Variants in RPS3 observed in about 807,000 individuals in gnomAD.
The protein encoded by RPS3 is small ribosomal subunit protein uS3.
RPS3 carries 2 observed loss-of-function variants against 25.8 expected under a neutral mutation model. The observed-to-expected ratio is 0.08, with a 90% CI of 0.03 to 0.24. The LOEUF is 0.24. RPS3 is among the 10% of genes least tolerant of loss of function. The pLI is 1.00. For synonymous variants in RPS3, 114 were observed against 114.2 expected, an observed-to-expected ratio of 1.00 and a Z score of 0.01; for missense variants, 107 against 307.1, an observed-to-expected ratio of 0.35 and a Z score of 4.87.
downstream of RPS3, among the ~76,000 whole-genome samples, chr11:75,410,076 CCCCT>C (rs1367169731): frequency 1.8e-4 from 25 of 142,446 alleles, no homozygotes; most frequent in African/African-American, 5.8e-4. Flanking sequence ...GGCTGACCCC[CCCCT>C]CCCCCCTCCC....
At chr11:75,416,344 T>C (rs1248056342) in intron 6 of RPS3, among the ~76,000 whole-genome samples, 1 of 152,220 alleles carries the variant, frequency 6.6e-6, no homozygotes, top group Non-Finnish European at 1.5e-5. Flanking sequence ...GTGCCATGCT[T>C]TCTGTTTCTG....
intron 4 of RPS3, chr11:75,403,605 A>G (rs1317519510): frequency 1.9e-5 from 3 of 155,580 alleles, no homozygotes; most frequent in Admixed American, 6.4e-5. Context: ...GAGTATTTCA[A>G]GGGACCACAA....
At chr11:75,411,597 A>T (rs368881422), downstream of RPS3, among the ~76,000 whole-genome samples, 24 of 151,282 alleles carry the variant, frequency 1.6e-4, no homozygotes, top group East Asian at 3.6e-3. Context: ...TCACCATGTT[A>T]GCTAGGATGG....
chr11:75,409,574 C>G (rs1189770910), downstream of RPS3, among the ~76,000 whole-genome samples: 1 of 137,204 alleles, frequency 7.3e-6, no homozygotes, highest in African/African-American at 2.7e-5. Flanking sequence ...AAAAGTCTCC[C>G]ATGTCTACTT....
chr11:75,400,869 C>T, intron 2 of RPS3, 45 bp downstream of exon 2: 6 of 1,583,690 alleles, frequency 3.8e-6, no homozygotes, highest in Non-Finnish European at 5.1e-6. Context: ...GTTATAAATG[C>T]TAAGTTGGTT....
chr11:75,402,298 T>C, intron 3 of RPS3, 54 bp from the exon 4 acceptor site: 4 of 1,596,434 alleles, frequency 2.5e-6, no homozygotes, highest in Non-Finnish European at 3.4e-6. Context: ...AATTTTCAAC[T>C]TTCAGTTGAA....
At position 75,404,612 on chromosome 11, in the gene RPS3, C is replaced by T. The variant is rs1350311232; in HGVS notation, c.539-60C>T. 2 of 1,532,332 alleles carry T rather than the reference C, an allele frequency of 1.3e-6. No individual in the cohort carries two copies. The highest frequency in any genetic ancestry group is 4.5e-5 in the East Asian group (2 of 44,130). The allele number at this position is 1,532,332 out of a possible 1,614,324, so 94.9% of individuals were successfully genotyped here. ...GAGTAAACTGCTTGCTCTCTTTGGT[C>T]TTGTGTGATGGGGGCCTTTGAGACC... On this transcript the variant is annotated intron_variant, in intron 5 of 6. Transcript: ENST00000531188. This position sits in a 1 kb window ranked among gnomAD's most constrained non-coding sequence, Gnocchi z 4.6.
intron 6 of RPS3, among the ~76,000 whole-genome samples, chr11:75,419,697 A>T (rs1392887832): frequency 2.0e-5 from 3 of 152,110 alleles, no homozygotes; most frequent in Non-Finnish European, 2.9e-5. Flanking sequence ...ATAGTGACAC[A>T]ACCTAGGCTC....
chr11:75,405,829 AAAT>A lies in RPS3; in HGVS notation c.*224_*226del, dbSNP rs1340857768. ...AAGACCCAAGCAGAGCCAACCAGAG[AAAT>A]AATATTTGTGTGATAGAGAAGGCTG... On this transcript the variant is annotated 3_prime_UTR_variant, in exon 7 of 7. Coordinates refer to ENST00000531188, the MANE Select transcript of RPS3 (RefSeq NM_001005.5). 16 of 275,288 alleles carry A rather than the reference AAAT, an allele frequency of 5.8e-5. No homozygotes were observed. Among genetic ancestry groups the A allele is most frequent in the African/African-American group, 3.4e-4 (15 of 44,748 alleles). The allele number at this position is 275,288 out of a possible 1,614,324, so 17.1% of individuals were successfully genotyped here.
At chr11:75,399,941 T>C (rs2015062886) in intron 1 of RPS3, 1 of 353,226 alleles carries the variant, frequency 2.8e-6, no homozygotes. Context: ...CAGTGTATTC[T>C]TGCCTTAACT....
chr11:75,401,516 T>C, intron 2 of RPS3, 124 bp from the exon 3 acceptor site: 1 of 698,144 alleles, frequency 1.4e-6, no homozygotes, highest in Non-Finnish European at 2.5e-6. Flanking sequence ...TTTTAAAAAT[T>C]TTAGTTTTTG....
In RPS3 at chr11:75,405,795, C is replaced by A; in HGVS notation, c.*185C>A. On this transcript the variant is annotated 3_prime_UTR_variant, in exon 7 of 7. Transcript: ENST00000531188. ...CCATACTTGTGGTATTTGCAAGGGC[C>A]AGAACAGTAAGACCCAAGCAGAGCC... 2.9e-6 allele frequency: 1 copy of A among 343,370 alleles called. No homozygotes were observed. The highest frequency in any genetic ancestry group is 2.3e-5 in the South Asian group (1 of 42,582). The allele number at this position is 343,370 out of a possible 1,614,324, so 21.3% of individuals were successfully genotyped here. A position where few individuals can be genotyped will look rare whatever the true frequency, so the allele number is the denominator to read the frequency against.
At chr11:75,402,050 T>C in intron 3 of RPS3, 1 of 545,196 alleles carries the variant, frequency 1.8e-6, no homozygotes, top group Non-Finnish European at 3.3e-6. Context: ...GTAGAAGTGC[T>C]TTAGGAATTG....
chr11:75,405,728 G>A lies in RPS3; in HGVS notation c.*118G>A. 1 of 445,522 alleles carries A rather than the reference G, an allele frequency of 2.2e-6. No homozygotes were observed. Among genetic ancestry groups the A allele is most frequent in the Non-Finnish European group, 4.5e-6 (1 of 222,748 alleles). 27.6% of individuals were successfully genotyped at this position (445,522 alleles called of 1,614,324 possible). ...GACTGTTCAGTATTCAGACTGAGGG[G>A]CATGTTGGCCTCTGGAGCATTACAT... On this transcript the variant is annotated 3_prime_UTR_variant, in exon 7 of 7. Coordinates refer to ENST00000531188, the MANE Select transcript of RPS3 (RefSeq NM_001005.5).
chr11:75,412,608 A>G (rs1948367282), intron 6 of RPS3, among the ~76,000 whole-genome samples: 1 of 152,166 alleles, frequency 6.6e-6, no homozygotes, highest in African/African-American at 2.4e-5. Flanking sequence ...TCCCAAAGTA[A>G]CTGGATGTTC....
At chr11:75,407,718 C>T (rs760884231), downstream of RPS3, among the ~76,000 whole-genome samples, 2 of 152,162 alleles carry the variant, frequency 1.3e-5, no homozygotes, top group Admixed American at 6.5e-5. Flanking sequence ...CCGCCTGCCT[C>T]GGCCCCTCAA....
intron 6 of RPS3, among the ~76,000 whole-genome samples, chr11:75,414,947 A>G (rs1948384727): frequency 6.6e-6 from 1 of 152,226 alleles, no homozygotes; most frequent in Non-Finnish European, 1.5e-5. Context: ...CCCACAGCGT[A>G]ATGTGATAAT....
rs756016130 is a variant in RPS3 at position 75,404,441 on chromosome 11, C to T, written c.539-231C>T. The T allele has an allele frequency of 3.6e-5, 28 of 786,542 alleles. No individual in the cohort carries two copies. The highest frequency in any genetic ancestry group is 1.2e-4 in the Admixed American group (7 of 58,890). The allele number at this position is 786,542 out of a possible 1,614,324, so 48.7% of individuals were successfully genotyped here. ...GTACCCTTCAGTGATGACACGATGA[C>T]GAGTCAGAAAGGTCACGTCCTGCTC... is the stretch of plus-strand genomic sequence containing the variant. On this transcript the variant is annotated intron_variant, in intron 5 of 6. Transcript: ENST00000531188. The surrounding 1 kb of genome is among the most constrained non-coding windows in gnomAD (Gnocchi z 4.6).
At chr11:75,417,229 G>C (rs867832773) in intron 6 of RPS3, among the ~76,000 whole-genome samples, 1 of 152,144 alleles carries the variant, frequency 6.6e-6, no homozygotes, top group Non-Finnish European at 1.5e-5. Context: ...CAGCACTTTG[G>C]GAGGCCGAAA....
Sources: allele counts gnomAD v4.1 joint callset (sites outside exome capture counted in the v4.1 genomes callset), GRCh38; gene constraint gnomAD v4.1.1; non-coding constraint Gnocchi (gnomAD v3.1); transcripts MANE v1.5; gene names NCBI Gene and HGNC (gene_info 2026-07-23, HGNC 2026-07-21).